Variants in EMILIN2 observed in about 807,000 individuals in gnomAD.
The protein encoded by EMILIN2 is elastin microfibril interfacer 2.
A neutral mutation model predicts 87.1 loss-of-function variants in EMILIN2; 71 were observed. The observed-to-expected ratio is 0.82, with a 90% CI of 0.67 to 0.99. The LOEUF (loss-of-function observed/expected upper bound fraction) is 0.99. EMILIN2 is among the 50% of genes least tolerant of loss of function. EMILIN2 has a pLI of 0.00. For synonymous variants in EMILIN2, 581 were observed against 563.4 expected, an observed-to-expected ratio of 1.03 and a Z score of -0.44; for missense variants, 1,407 against 1,371.8, an observed-to-expected ratio of 1.03 and a Z score of -0.40.
rs1223645518 is a variant in EMILIN2, at chr18:2,915,039, C to T, written c.*1635C>T. The T allele has an allele frequency of 1.3e-5, 2 of 152,234 alleles. No homozygotes were observed. The highest frequency in any genetic ancestry group is 1.5e-5 in the Non-Finnish European group (1 of 68,084). The allele number at this position is 152,234 out of a possible 1,614,324, so 9.4% of individuals were successfully genotyped here. On this transcript the variant is annotated 3_prime_UTR_variant, in exon 8 of 8. Coordinates refer to ENST00000254528, the MANE Select transcript of EMILIN2 (RefSeq NM_032048.3). Reference sequence around the variant, plus strand: ...GGCACGCGCCATCGCCCTCTCCTCTCCTCTCACGCTCCTTTTGAAAAGACC... The same window carrying T: ...GGCACGCGCCATCGCCCTCTCCTCTTCTCTCACGCTCCTTTTGAAAAGACC...
intron 5 of EMILIN2, 39 bp from the exon 6 acceptor site, chr18:2,908,904 G>C: frequency 6.2e-7 from 1 of 1,613,646 alleles, no homozygotes. Flanking sequence ...CTGGTGCTTA[G>C]GGTCTTGTTT....
chr18:2,847,236 G>A lies in EMILIN2; in HGVS notation c.48G>A (p.Ala16=), dbSNP rs969744729. 7.9e-7 allele frequency: 1 copy of A among 1,267,338 alleles called. No homozygotes were observed. The highest frequency in any genetic ancestry group is 9.9e-7 in the Non-Finnish European group (1 of 1,008,230). The allele number at this position is 1,267,338 out of a possible 1,614,324, so 78.5% of individuals were successfully genotyped here. The change falls in exon 1 of 8, where the codon GCG becomes GCA. Residue 16 remains alanine, a synonymous_variant. Coordinates refer to ENST00000254528, the MANE Select transcript of EMILIN2 (RefSeq NM_032048.3). This position sits in a 1 kb window ranked among gnomAD's most constrained non-coding sequence, Gnocchi z 4.5. Reference sequence around the variant, plus strand: ...GGCCCCGCGTGCCCTGGCGCTGGGCGCTGGCGCTGCTGGCCCTGGTTGGCG... The same window carrying A: ...GGCCCCGCGTGCCCTGGCGCTGGGCACTGGCGCTGCTGGCCCTGGTTGGCG... The part of the protein sequence containing the change: ...RPWPRVPWRW[A]LALLALVGAG...
At chr18:2,906,243 C>T (rs1407189696) in intron 4 of EMILIN2, 1 of 152,288 alleles carries the variant, frequency 6.6e-6, no homozygotes, top group African/African-American at 2.4e-5. Context: ...GAGCTTCCTC[C>T]GTTGGAAGTC....
chr18:2,897,419 C>A (rs796754282), intron 4 of EMILIN2, among the ~76,000 whole-genome samples: 17 of 152,324 alleles, frequency 1.1e-4, no homozygotes, highest in African/African-American at 4.1e-4. Flanking sequence ...AGGCCTCCAG[C>A]CTTGGAAGAG....
chr18:2,858,569 A>ATATATATGTGTG (rs1305555851), intron 2 of EMILIN2, among the ~76,000 whole-genome samples: 2 of 55,376 alleles, frequency 3.6e-5, no homozygotes, highest in Admixed American at 2.4e-4. Flanking sequence ...ATATATATAT[A>ATATATATGTGTG]TGTGTGTGTG....
In EMILIN2 at chr18:2,905,527, A is replaced by G. The variant is rs187393463; in HGVS notation, c.2360-1256A>G. Among the ~76,000 whole-genome samples, 6 of 151,986 alleles carry G rather than the reference A, an allele frequency of 3.9e-5. No homozygotes were observed. The East Asian group carries it at 7.7e-4, about 20-fold the overall frequency. ...TACTCTTTTATTTAAAAATGTGCAA[A>G]AGATAATTGCTGACTGCAGTCACCC... On this transcript the variant is annotated intron_variant, in intron 4 of 7. Coordinates refer to ENST00000254528, the MANE Select transcript of EMILIN2 (RefSeq NM_032048.3).
chr18:2,886,798 T>C (rs1245328943), intron 3 of EMILIN2, among the ~76,000 whole-genome samples: 3 of 152,224 alleles, frequency 2.0e-5, no homozygotes, highest in African/African-American at 4.8e-5. Flanking sequence ...TTTTTATTGC[T>C]ATTTCAACCC....
chr18:2,874,544 C>T (rs1169243635), intron 2 of EMILIN2, among the ~76,000 whole-genome samples: 1 of 152,140 alleles, frequency 6.6e-6, no homozygotes, highest in Non-Finnish European at 1.5e-5. Context: ...GGGTTGGGCT[C>T]TGGCACTTTT....
At chr18:2,911,757 G>A (rs2076941742) in intron 7 of EMILIN2, among the ~76,000 whole-genome samples, 1 of 152,198 alleles carries the variant, frequency 6.6e-6, no homozygotes, top group South Asian at 2.1e-4. Flanking sequence ...GTGACCTATA[G>A]TCTCGCATTC....
chr18:2,895,774 A>G (rs746646157), intron 4 of EMILIN2, among the ~76,000 whole-genome samples: 25 of 152,258 alleles, frequency 1.6e-4, no homozygotes, highest in Non-Finnish European at 3.5e-4. Context: ...CTGGAGTGGC[A>G]TCACTGCCAC....
intron 7 of EMILIN2, among the ~76,000 whole-genome samples, chr18:2,912,619 G>A (rs1268957750): frequency 6.6e-6 from 1 of 152,158 alleles, no homozygotes; most frequent in Non-Finnish European, 1.5e-5. Flanking sequence ...GAGTATCAGT[G>A]CTCACTTCTG....
chr18:2,847,219 G>C lies in EMILIN2; in HGVS notation c.31G>C (p.Val11Leu). Reference protein sequence around the residue: MWQPRRPWPRVPWRWALALLA... With the variant: MWQPRRPWPRLPWRWALALLA... ...GCAGCCCAGACGGCCCTGGCCCCGC[G>C]TGCCCTGGCGCTGGGCGCTGGCGCT... Residue 11 changes from valine (V) to leucine (L), a missense_variant, in exon 1 of 8, where the codon GTG (valine) becomes CTG (leucine). Physicochemically the swap from Val to Leu is conservative, Grantham distance 32. Coordinates refer to ENST00000254528, the MANE Select transcript of EMILIN2 (RefSeq NM_032048.3). This position sits in a 1 kb window ranked among gnomAD's most constrained non-coding sequence, Gnocchi z 4.5. The C allele has an allele frequency of 8.0e-7, 1 of 1,248,106 alleles. No homozygotes were observed. The highest frequency in any genetic ancestry group is 2.8e-5 in the South Asian group (1 of 36,148). 77.3% of individuals were successfully genotyped at this position (1,248,106 alleles called of 1,614,324 possible).
rs573074521 is a variant in EMILIN2 at position 2,906,952 on chromosome 18, G to A, written c.2529G>A (p.Gly843=). 3.5e-3 allele frequency: 4,902 copies of A among 1,405,872 alleles called. 13 individuals carry two copies. The highest frequency in any genetic ancestry group is 4.1e-3 in the Non-Finnish European group (4,452 of 1,078,320). The allele number at this position is 1,405,872 out of a possible 1,614,324, so 87.1% of individuals were successfully genotyped here. The change falls in exon 5 of 8, where the codon GGG becomes GGA. Residue 843 remains glycine (G), a synonymous_variant. Coordinates refer to ENST00000254528, the MANE Select transcript of EMILIN2 (RefSeq NM_032048.3). ...CGCCCCAGCCGCCAGGCTCCACCGG[G>A]GTCATCGCGGAGACGGGCCAGGCCG... The part of the protein sequence containing the change: ...ERPPQPPGST[G]VIAETGQAGP...
intron 2 of EMILIN2, among the ~76,000 whole-genome samples, chr18:2,867,873 C>T (rs2143983823): frequency 6.6e-6 from 1 of 152,356 alleles, no homozygotes; most frequent in Admixed American, 6.5e-5. Flanking sequence ...GGGTACACCT[C>T]CCAGAGTGGG....
chr18:2,891,349 C>G lies in EMILIN2; in HGVS notation c.1222C>G (p.Gln408Glu), dbSNP rs201812296. 4 of 1,614,192 alleles carry G rather than the reference C, an allele frequency of 2.5e-6. No individual in the cohort carries two copies. In the African/African-American group the frequency reaches 4.0e-5, roughly 16 times the overall value. Reference protein sequence around the residue: ...DSEKNGDIGQQIKTLDQKIER... With the variant: ...DSEKNGDIGQEIKTLDQKIER... ...TGAAAAGAATGGTGACATTGGTCAA[C>G]AGATCAAGACATTGGACCAGAAAAT... The change falls in exon 4 of 8, where the codon CAG becomes GAG. Residue 408 changes from glutamine (Q) to glutamate (E), a missense_variant. Transcript: ENST00000254528. This position sits in a 1 kb window ranked among gnomAD's most constrained non-coding sequence, Gnocchi z 4.6.
intron 2 of EMILIN2, among the ~76,000 whole-genome samples, chr18:2,858,126 C>T (rs889577202): frequency 6.6e-6 from 1 of 152,002 alleles, no homozygotes; most frequent in African/African-American, 2.4e-5. Flanking sequence ...TGAGTAATCC[C>T]AATTAGGAAG....
chr18:2,892,358 T>A lies in EMILIN2; in HGVS notation c.2231T>A (p.Met744Lys). The A allele has an allele frequency of 6.2e-7, 1 of 1,614,158 alleles. No homozygotes were observed. The highest frequency in any genetic ancestry group is 8.5e-7 in the Non-Finnish European group (1 of 1,180,032). ...VSSLWNCVRQMNGTLRSHSRD... is the reference protein window; with the variant it reads ...VSSLWNCVRQKNGTLRSHSRD... ...AGCCTGTGGAACTGTGTCAGGCAGA[T>A]GAACGGAACGCTCAGGTCGCATTCC... is the stretch of plus-strand genomic sequence containing the variant. Residue 744 changes from methionine to lysine, a missense_variant, in exon 4 of 8, where the codon ATG (methionine) becomes AAG (lysine). Coordinates refer to ENST00000254528, the MANE Select transcript of EMILIN2 (RefSeq NM_032048.3).
rs2076949343 is a variant in EMILIN2 at position 2,913,081 on chromosome 18, C to T, written c.2839C>T (p.Pro947Ser). 1 of 1,610,258 alleles carries T rather than the reference C, an allele frequency of 6.2e-7. No homozygotes were observed. The highest frequency in any genetic ancestry group is 8.5e-7 in the Non-Finnish European group (1 of 1,179,996). ...YNPSTGVFTA[P>S]YDGRYLITAT... ...TCTCCCCGCAGGGGTCTTCACGGCT[C>T]CTTATGATGGGCGCTACCTGATCAC... The change falls in exon 8 of 8, where the codon CCT becomes TCT. Residue 947 changes from proline to serine, a missense_variant. Transcript: ENST00000254528.
intron 2 of EMILIN2, among the ~76,000 whole-genome samples, chr18:2,850,633 C>G (rs614841): frequency 0.47 from 71,591 of 151,748 alleles, 19,700 homozygotes; most frequent in African/African-American, 0.77. Context: ...TGGAAAAAAA[C>G]GTTCTTCAGA....
Sources: gnomAD v4.1 joint callset for allele counts (sites outside exome capture counted in the v4.1 genomes callset) on GRCh38, gnomAD v4.1.1 for gene constraint, Gnocchi (gnomAD v3.1) non-coding constraint, MANE v1.5 for transcripts, NCBI Gene and HGNC (gene_info 2026-07-23, HGNC 2026-07-21) for gene names.